Variants in MUC5B observed in about 807,000 individuals in gnomAD.
MUC5B encodes the protein mucin-5B.
A neutral mutation model predicts 376.9 loss-of-function variants in MUC5B; 116 were observed. That is an observed-to-expected ratio of 0.31 (90% CI 0.26 to 0.36). The LOEUF (loss-of-function observed/expected upper bound fraction) is 0.36, where lower values mean the gene tolerates loss of function less well. Among genes scored for constraint, MUC5B ranks in the 10% least tolerant of loss-of-function variants. MUC5B has a pLI of 1.00. For synonymous variants in MUC5B, 3,517 were observed against 3,390.9 expected, an observed-to-expected ratio of 1.04 and a Z score of -1.29; for missense variants, 7,165 against 7,769.9, an observed-to-expected ratio of 0.92 and a Z score of 2.93.
rs200716575 is a variant in MUC5B, at chr11:1,249,197, G to A, written c.12317G>A (p.Arg4106His). 43,887 of 1,605,388 alleles carry A rather than the reference G, an allele frequency of 0.027. No individual in the cohort carries two copies. The highest frequency in any genetic ancestry group is 0.03 in the Non-Finnish European group (35,790 of 1,175,412). ...TTATATPSKT[R>H]TSTLLPSSPT... is the part of the protein sequence containing the mutation. ...GCCACGGCCACACCCAGCAAGACCC[G>A]CACCTCGACCCTGCTGCCCAGCAGC... The change falls in exon 31 of 49, where the codon CGC (arginine) becomes CAC (histidine). Residue 4106 changes from arginine (R) to histidine (H), a missense_variant. Arg to His is a conservative substitution (Grantham distance 29). Transcript: ENST00000529681.
At chr11:1,228,498 A>G in intron 7 of MUC5B, 66 bp from the exon 8 acceptor site, 1 of 1,417,150 alleles carries the variant, frequency 7.1e-7, no homozygotes, top group Middle Eastern at 2.5e-4. Context: ...CATGGGTCCT[A>G]TTCCAGCACC....
Position 1,252,461 on chromosome 11 carries a change from C to T in MUC5B, c.14982C>T (p.Ser4994=). Residue 4994 remains serine (S), a synonymous_variant, in exon 32 of 49, where the codon TCC becomes TCT. Transcript: ENST00000529681. ...GACPTSPPPV[S]SAPLSSPSPA... ...GTCCCACCTCCCCACCGCCAGTGTC[C>T]TCCGCCCCGCTGTCCTCGCCCTCCC... 6.2e-7 allele frequency: 1 copy of T among 1,606,800 alleles called. No homozygotes were observed.
At chr11:1,259,388 T>A (rs1252082306) in intron 44 of MUC5B, 1 of 482,118 alleles carries the variant, frequency 2.1e-6, no homozygotes, top group East Asian at 3.8e-5. Context: ...CAGCCCTGAG[T>A]CACTTATCCT....
intron 3 of MUC5B, 86 bp from the exon 4 acceptor site, chr11:1,226,529 T>G: frequency 6.7e-7 from 1 of 1,499,776 alleles, no homozygotes; most frequent in Non-Finnish European, 8.9e-7. Context: ...GCTTTTCCAT[T>G]CCAAAAACCA....
Position 1,253,090 on chromosome 11 carries a change from G to A in MUC5B, c.15217+110G>A, listed in dbSNP as rs1862748538. 2.3e-6 allele frequency: 2 copies of A among 858,132 alleles called. No homozygotes were observed. Among genetic ancestry groups the A allele is most frequent in the Non-Finnish European group, 3.4e-6 (2 of 595,334 alleles). 53.2% of individuals were successfully genotyped at this position (858,132 alleles called of 1,614,324 possible). On this transcript the variant is annotated intron_variant, in intron 33 of 48. Coordinates refer to ENST00000529681, the MANE Select transcript of MUC5B (RefSeq NM_002458.3). The surrounding 1 kb of genome is among the most constrained non-coding windows in gnomAD (Gnocchi z 4.3). ...GTGGGGCACAGTGGGGTGCAGTGGG[G>A]AATGGTGGGGCATGGTGGGGCATGG... is the stretch of plus-strand genomic sequence containing the variant.
rs771498798 is a variant in MUC5B at position 1,248,285 on chromosome 11, T to G, written c.11405T>G (p.Leu3802Arg). 5.1e-6 allele frequency: 8 copies of G among 1,579,064 alleles called. No individual in the cohort carries two copies. In the South Asian group the frequency reaches 8.9e-5, roughly 17 times the overall value. Residue 3802 changes from leucine (L) to arginine (R), a missense_variant, in exon 31 of 49, where the codon CTG becomes CGG. Leu to Arg is a moderately radical substitution (Grantham distance 102, BLOSUM62 -2). Around this residue, in one of 31 missense-constraint regions of MUC5B, gnomAD observed 72 missense variants for 127.8 expected, o/e 0.56. Transcript: ENST00000529681. ...TSFTAIPSSS[L>R]GTTWTRLSQT... is the part of the protein sequence containing the mutation. Reference sequence around the variant, plus strand: ...TTTACAGCCATCCCCTCCTCCTCCCTGGGCACCACCTGGACCCGCCTATCA... The same window carrying G: ...TTTACAGCCATCCCCTCCTCCTCCCGGGGCACCACCTGGACCCGCCTATCA...
intron 31 of MUC5B, 64 bp from the exon 32 acceptor site, chr11:1,252,279 C>G: frequency 6.7e-7 from 1 of 1,482,638 alleles, no homozygotes; most frequent in Non-Finnish European, 9.1e-7. Context: ...CCTTTGCTCT[C>G]CCAGAACTCT....
At chr11:1,259,108 C>G in intron 44 of MUC5B, 47 bp downstream of exon 44, 3 of 1,524,440 alleles carry the variant, frequency 2.0e-6, no homozygotes, top group Non-Finnish European at 2.6e-6. Context: ...GAGGCACCTG[C>G]CCCCAAGTGA....
Position 1,235,419 on chromosome 11 carries a change from A to C in MUC5B, c.2880+6A>C. ...CCATCAAGCTCTTCGTGGAGGTGAG[A>C]ACGGCCCCAGCTGTGAGCACCCCCG... On this transcript the variant is annotated splice_donor_region_variant and intron_variant, in intron 23 of 48. Coordinates refer to ENST00000529681, the MANE Select transcript of MUC5B (RefSeq NM_002458.3). 6.2e-7 allele frequency: 1 copy of C among 1,609,204 alleles called. No homozygotes were observed. Among genetic ancestry groups the C allele is most frequent in the East Asian group, 2.2e-5 (1 of 44,762 alleles).
rs775019153 is a variant in MUC5B, at chr11:1,261,577, G to A, written c.17258G>A (p.Gly5753Asp). 3.1e-6 allele frequency: 5 copies of A among 1,607,508 alleles called. No individual in the cohort carries two copies. In the Admixed American group the frequency reaches 6.7e-5, roughly 22 times the overall value. ...CCCATGGCTCCCCCACACACCCGTG[G>A]CTTCCCGGCCCAGGAGGCCACTGCT... ...PAPMAPPHTR[G>D]FPAQEATAV Residue 5753 changes from glycine (G) to aspartate (D), a missense_variant, in exon 49 of 49, where the codon GGC (glycine) becomes GAC (aspartate). Physicochemically the swap from Gly to Asp is moderately conservative, Grantham distance 94. This residue lies in a region of MUC5B where 842 missense variants were observed against 1,016.9 expected (regional missense o/e 0.83). Transcript: ENST00000529681.
At chr11:1,260,936 G>A (rs1295879294) in intron 48 of MUC5B, among the ~76,000 whole-genome samples, 1 of 152,204 alleles carries the variant, frequency 6.6e-6, no homozygotes, top group Non-Finnish European at 1.5e-5. Context: ...GGGCCCGGCT[G>A]AGCCGAGCCA....
At position 1,244,644 on chromosome 11, in the gene MUC5B, G is replaced by A. The variant is rs768255075; in HGVS notation, c.7764G>A (p.Gly2588=). Residue 2588 remains glycine (G), a synonymous_variant, in exon 31 of 49, where the codon GGG becomes GGA. Coordinates refer to ENST00000529681, the MANE Select transcript of MUC5B (RefSeq NM_002458.3). ...TTACCACCACGGCCACCACAACCGG[G>A]GCCACCGGCTCTGTGGCCACCCCCT... ...TVLTTTATTT[G]ATGSVATPSS... is the part of the protein sequence containing the mutation. 11 of 1,612,656 alleles carry A rather than the reference G, an allele frequency of 6.8e-6. No homozygotes were observed. In the East Asian group the frequency reaches 1.3e-4, roughly 20 times the overall value.
At chr11:1,252,564 C>T in intron 32 of MUC5B, 40 bp downstream of exon 32, 2 of 1,485,686 alleles carry the variant, frequency 1.3e-6, no homozygotes, top group Non-Finnish European at 1.8e-6. Context: ...GCTGCGTGCA[C>T]ACGGTCTGGG....
rs375539201 is a variant in MUC5B, at chr11:1,251,232, A to C, written c.14352A>C (p.Pro4784=). 6.2e-7 allele frequency: 1 copy of C among 1,610,026 alleles called. No homozygotes were observed. Among genetic ancestry groups the C allele is most frequent in the South Asian group, 1.1e-5 (1 of 90,960 alleles). The part of the protein sequence containing the change: ...TMSTIHTSST[P]ETTHTSTVLT... ...CCACAATCCACACCTCCTCTACTCC[A>C]GAGACCACCCACACCTCCACAGTGC... is the stretch of plus-strand genomic sequence containing the variant. Residue 4784 remains proline, a synonymous_variant, in exon 31 of 49, where the codon CCA becomes CCC. Coordinates refer to ENST00000529681, the MANE Select transcript of MUC5B (RefSeq NM_002458.3).
Position 1,241,071 on chromosome 11 carries a change from G to A in MUC5B, c.4191G>A (p.Val1397=). ...DMPLEELGQQ[V]DCDRMRGLMC... ...CGCTGGAGGAGCTGGGCCAGCAGGTGGACTGTGACCGCATGCGGGGGCTGA... is the reference window on the plus strand; with the variant it reads ...CGCTGGAGGAGCTGGGCCAGCAGGTAGACTGTGACCGCATGCGGGGGCTGA... The change falls in exon 31 of 49, where the codon GTG becomes GTA. Residue 1397 remains valine, a synonymous_variant. Transcript: ENST00000529681. The A allele has an allele frequency of 6.2e-7, 1 of 1,612,452 alleles. No individual in the cohort carries two copies. Among genetic ancestry groups the A allele is most frequent in the Non-Finnish European group, 8.5e-7 (1 of 1,179,624 alleles).
In MUC5B at chr11:1,258,062, G is replaced by A. The variant is rs1212878626; in HGVS notation, c.16451-37G>A. 4.6e-6 allele frequency: 7 copies of A among 1,532,510 alleles called. No homozygotes were observed. Among genetic ancestry groups the A allele is most frequent in the East Asian group, 2.4e-5 (1 of 41,160 alleles). 94.9% of individuals were successfully genotyped at this position (1,532,510 alleles called of 1,614,324 possible). ...GGAACAAGTGGTCGGGAGGAGGAGTGAGCAGCGCCCAGACAGTGGCCTCCA... is the reference window on the plus strand; with the variant it reads ...GGAACAAGTGGTCGGGAGGAGGAGTAAGCAGCGCCCAGACAGTGGCCTCCA... On this transcript the variant is annotated intron_variant, in intron 41 of 48. Transcript: ENST00000529681. This position sits in a 1 kb window ranked among gnomAD's most constrained non-coding sequence, Gnocchi z 5.5.
In MUC5B at chr11:1,241,956, C is replaced by G. The variant is rs1411856356; in HGVS notation, c.5076C>G (p.Thr1692=). Residue 1692 remains threonine (T), a synonymous_variant, in exon 31 of 49, where the codon ACC becomes ACG. Coordinates refer to ENST00000529681, the MANE Select transcript of MUC5B (RefSeq NM_002458.3). The part of the protein sequence containing the change: ...EPTVPGVATS[T]LPTRSALPGT... ...CTGTCCCAGGGGTGGCCACATCCAC[C>G]CTTCCAACACGCTCAGCCCTTCCAG... is the stretch of plus-strand genomic sequence containing the variant. 6.2e-7 allele frequency: 1 copy of G among 1,604,646 alleles called. No homozygotes were observed. Among genetic ancestry groups the G allele is most frequent in the Middle Eastern group, 1.7e-4 (1 of 6,054 alleles).
chr11:1,251,681 T>C lies in MUC5B; in HGVS notation c.14801T>C (p.Phe4934Ser). The C allele has an allele frequency of 6.2e-7, 1 of 1,612,692 alleles. No homozygotes were observed. ...SVLTTLRPTG[F>S]PSSHFSTPCF... ...CTCACCACCCTGAGACCCACTGGCT[T>C]CCCCAGCTCCCACTTCTCTACTCCC... is the stretch of plus-strand genomic sequence containing the variant. Residue 4934 changes from phenylalanine to serine, a missense_variant, in exon 31 of 49, where the codon TTC becomes TCC. Phe to Ser is a radical substitution (Grantham distance 155). Transcript: ENST00000529681.
chr11:1,227,134 G>A lies in MUC5B; in HGVS notation c.565G>A (p.Asp189Asn). The stretch of plus-strand genomic sequence containing the variant: ...GCTGACATTCCTGTGGAACGGAGAG[G>A]ACAGTGCCCTGGTGAGGAAGCCCCC... ...LVLTFLWNGE[D>N]SALLELDPKY... Residue 189 changes from aspartate (D) to asparagine (N), a missense_variant, in exon 5 of 49, where the codon GAC becomes AAC. Asp to Asn is a conservative substitution (Grantham distance 23). This residue lies in a region of MUC5B where 640 missense variants were observed against 733.0 expected (regional missense o/e 0.87). Transcript: ENST00000529681. The A allele has an allele frequency of 6.2e-7, 1 of 1,611,714 alleles. No homozygotes were observed. The highest frequency in any genetic ancestry group is 8.5e-7 in the Non-Finnish European group (1 of 1,179,130).
Sources: allele counts gnomAD v4.1 joint callset (sites outside exome capture counted in the v4.1 genomes callset), GRCh38; gene constraint gnomAD v4.1.1; regional missense constraint gnomAD v4.1.1; non-coding constraint Gnocchi (gnomAD v3.1); transcripts MANE v1.5; gene names NCBI Gene and HGNC (gene_info 2026-07-23, HGNC 2026-07-21).